Variants in TBC1D13 observed in about 807,000 individuals in gnomAD.
The protein encoded by TBC1D13 is TBC1 domain family member 13.
Under a neutral mutation model 53.6 loss-of-function variants are expected in TBC1D13, and 40 were observed. The observed-to-expected ratio is 0.75, with a 90% CI of 0.58 to 0.97. TBC1D13 has a LOEUF of 0.97. Ranked by LOEUF, TBC1D13 falls within the 50% of genes least tolerant of loss-of-function variation. TBC1D13 has a pLI of 0.00. For missense variants in TBC1D13, 377 were observed against 499.4 expected, an observed-to-expected ratio of 0.75 and a Z score of 2.34; for synonymous variants, 182 against 197.7, an observed-to-expected ratio of 0.92 and a Z score of 0.67.
chr9:128,788,275 G>A, intron 1 of TBC1D13, 59 bp from the exon 2 acceptor site: 1 of 1,491,376 alleles, frequency 6.7e-7, no homozygotes. Flanking sequence ...GCTGAGGGCT[G>A]TGGGTCTCAC....
At chr9:128,792,825 T>C (rs578022271) in intron 6 of TBC1D13, among the ~76,000 whole-genome samples, 1 of 152,356 alleles carries the variant, frequency 6.6e-6, no homozygotes, top group African/African-American at 2.4e-5. Context: ...CAGGTGTTTA[T>C]GGATTCATCT....
At chr9:128,802,165 C>T (rs1027085147) in intron 7 of TBC1D13, among the ~76,000 whole-genome samples, 5 of 148,930 alleles carry the variant, frequency 3.4e-5, no homozygotes, top group Non-Finnish European at 6.0e-5. Flanking sequence ...AGGTGCTTCT[C>T]CTGCCTCAGC....
chr9:128,800,244 G>A (rs1234593992), intron 7 of TBC1D13, among the ~76,000 whole-genome samples: 1 of 152,152 alleles, frequency 6.6e-6, no homozygotes, highest in Non-Finnish European at 1.5e-5. Context: ...GCAGGCCTAG[G>A]GCCGGGCCCA....
At chr9:128,793,707 T>C (rs1829575623) in intron 6 of TBC1D13, among the ~76,000 whole-genome samples, 1 of 152,174 alleles carries the variant, frequency 6.6e-6, no homozygotes, top group Non-Finnish European at 1.5e-5. Flanking sequence ...CTGTTCCTTT[T>C]ACAACAGCCT....
intron 7 of TBC1D13, among the ~76,000 whole-genome samples, chr9:128,801,782 G>A (rs1423961565): frequency 7.0e-6 from 1 of 142,416 alleles, no homozygotes; most frequent in African/African-American, 2.7e-5. Flanking sequence ...TTTTTTTTGA[G>A]ACGGAGTCTC....
intron 1 of TBC1D13, 136 bp downstream of exon 1, chr9:128,787,512 C>T: frequency 1.1e-6 from 1 of 924,148 alleles, no homozygotes; most frequent in Non-Finnish European, 1.4e-6. Flanking sequence ...CGTCCACCTT[C>T]TAACCTCATT....
rs765922666 is a variant in TBC1D13, at chr9:128,787,305, G to A, written c.-49G>A. ...GGCGGCGGCGGCGGCAGCGCAGGCG[G>A]CAGAGGCGCAGGCGGCGGAGGCGGC... On this transcript the variant is annotated 5_prime_UTR_variant, in exon 1 of 12. Transcript: ENST00000372648. The A allele has an allele frequency of 3.2e-6, 4 of 1,255,676 alleles. No homozygotes were observed. Among genetic ancestry groups the A allele is most frequent in the South Asian group, 8.1e-5 (2 of 24,796 alleles). The allele number at this position is 1,255,676 out of a possible 1,614,324, so 77.8% of individuals were successfully genotyped here.
At chr9:128,795,299 A>G (rs114308211) in intron 6 of TBC1D13, among the ~76,000 whole-genome samples, 3,089 of 148,448 alleles carry the variant, frequency 0.021, 126 homozygotes, top group African/African-American at 0.073. Context: ...GCTCACTGCA[A>G]CCTCCGGGTT....
Position 128,801,113 on chromosome 9 carries a change from A to G in TBC1D13, c.544-2137A>G, listed in dbSNP as rs535864908. Among the ~76,000 whole-genome samples, 39 of 152,288 alleles carry G rather than the reference A, an allele frequency of 2.6e-4. 1 individual carries two copies. In the South Asian group the frequency reaches 8.1e-3, roughly 32 times the overall value. ...GTTTGAACCTAGGAGACAGAGTTGC[A>G]GTGAGCCAAGATCACTCCATTGCAC... On this transcript the variant is annotated intron_variant, in intron 7 of 11. Transcript: ENST00000372648.
intron 6 of TBC1D13, 27 bp from the exon 7 acceptor site, chr9:128,797,028 A>G (rs755804937): frequency 1.2e-6 from 2 of 1,610,864 alleles, no homozygotes; most frequent in East Asian, 2.2e-5. Flanking sequence ...TTGAGTAACA[A>G]GATTATTTCC....
chr9:128,807,914 C>A lies in TBC1D13; in HGVS notation c.*35C>A. On this transcript the variant is annotated 3_prime_UTR_variant, in exon 12 of 12. Transcript: ENST00000372648. ...AAGAGGCCCATGTTCCGGAGAGAAG[C>A]CTCCCGACCCTGTGCCCTGGCTCCC... is the stretch of plus-strand genomic sequence containing the variant. The A allele has an allele frequency of 6.3e-7, 1 of 1,592,702 alleles. No homozygotes were observed.
chr9:128,793,963 A>T (rs973086935), intron 6 of TBC1D13, among the ~76,000 whole-genome samples: 2 of 152,240 alleles, frequency 1.3e-5, no homozygotes, highest in African/African-American at 4.8e-5. Flanking sequence ...CAGGAGACAT[A>T]TACTAAACCT....
chr9:128,801,810 G>A (rs1829740323), intron 7 of TBC1D13, among the ~76,000 whole-genome samples: 1 of 148,232 alleles, frequency 6.7e-6, no homozygotes, highest in Non-Finnish European at 1.5e-5. Context: ...CACCCAGGCT[G>A]GAGTGCAGTG....
At chr9:128,805,331 T>TAA (rs879387628) in intron 9 of TBC1D13, among the ~76,000 whole-genome samples, 2 of 147,474 alleles carry the variant, frequency 1.4e-5, no homozygotes, top group Non-Finnish European at 3.0e-5. Flanking sequence ...ACCTCATCTC[T>TAA]AAAAAAAAAA....
intron 7 of TBC1D13, 148 bp from the exon 8 acceptor site, chr9:128,803,102 G>A: frequency 1.5e-6 from 1 of 677,638 alleles, no homozygotes; most frequent in Non-Finnish European, 2.6e-6. Context: ...CACCCAGGCT[G>A]GAATGCAATG....
rs1459608805 is a variant in TBC1D13 at position 128,805,996 on chromosome 9, C to T, written c.1056C>T (p.Leu352=). ...ATGACAACCGCTTTGACTTCCTCCT[C>T]CTCGTCTGCTGCGCCATGCTCATGT... ...FADDNRFDFL[L]LVCCAMLMLI... Residue 352 remains leucine (L), a synonymous_variant, in exon 10 of 12, where the codon CTC becomes CTT. Coordinates refer to ENST00000372648, the MANE Select transcript of TBC1D13 (RefSeq NM_018201.5). The T allele has an allele frequency of 3.1e-6, 5 of 1,614,098 alleles. No homozygotes were observed. The highest frequency in any genetic ancestry group is 4.2e-6 in the Non-Finnish European group (5 of 1,180,052).
intron 7 of TBC1D13, among the ~76,000 whole-genome samples, chr9:128,800,890 G>A (rs1829721124): frequency 2.0e-5 from 3 of 152,174 alleles, no homozygotes. Context: ...AGCCAAGTGC[G>A]GTGGCTCACA....
In TBC1D13 at chr9:128,806,289, CTG is replaced by C; in HGVS notation, c.1118_1119del (p.Val373GlufsTer52). The C allele has an allele frequency of 6.2e-7, 1 of 1,614,152 alleles. No homozygotes were observed. The highest frequency in any genetic ancestry group is 8.5e-7 in the Non-Finnish European group (1 of 1,180,048). On this transcript the variant is annotated frameshift_variant, in exon 11 of 12. Coordinates refer to ENST00000372648, the MANE Select transcript of TBC1D13 (RefSeq NM_018201.5). LOFTEE classifies it high-confidence loss of function. ...GAGCAGTTGCTGGAAGGGGACTTCA[CTG>C]TGAATATGCGGCTGCTGCAGGTAAT... is the stretch of plus-strand genomic sequence containing the variant.
In TBC1D13 at chr9:128,797,314, GCTTGACAGTTACT is replaced by G. The variant is rs1829650173; in HGVS notation, c.543+102_543+114del. 2.3e-6 allele frequency: 3 copies of G among 1,293,396 alleles called. No homozygotes were observed. The Admixed American group carries it at 6.4e-5, about 27-fold the overall frequency. The allele number at this position is 1,293,396 out of a possible 1,614,324, so 80.1% of individuals were successfully genotyped here. On this transcript the variant is annotated intron_variant, in intron 7 of 11. Coordinates refer to ENST00000372648, the MANE Select transcript of TBC1D13 (RefSeq NM_018201.5). The stretch of plus-strand genomic sequence containing the variant: ...ACAAGGTGTCGGGCCATGACCATCT[GCTTGACAGTTACT>G]CAGCGCAATCCTGATGCTGCCAGAT...
Sources: gnomAD v4.1 joint callset for allele counts (sites outside exome capture counted in the v4.1 genomes callset) on GRCh38, gnomAD v4.1.1 for gene constraint, MANE v1.5 for transcripts, NCBI Gene and HGNC (gene_info 2026-07-23, HGNC 2026-07-21) for gene names.